The following HELZ variants were observed in gnomAD, a reference collection of about 807,000 sequenced individuals.
HELZ encodes the protein ATP-dependent RNA helicase with zinc finger domain.
In HELZ, 23 loss-of-function variants were observed where a neutral mutation model predicts 218.2. The ratio of observed to expected loss-of-function variants is 0.11; its 90% CI spans 0.08 to 0.15. The LOEUF is 0.15. HELZ is among the 10% of genes least tolerant of loss of function. The pLI is 1.00. For synonymous variants in HELZ, 814 were observed against 829.4 expected (o/e 0.98, Z 0.32); for missense variants, 1,813 against 2,353.7 (o/e 0.77, Z 4.75).
At position 67,188,153 on chromosome 17, in the gene HELZ, G is replaced by T; in HGVS notation, c.1162+166C>A. 1.6e-6 allele frequency: 1 copy of T among 634,504 alleles called. No individual in the cohort carries two copies. 39.3% of individuals were successfully genotyped at this position (634,504 alleles called of 1,614,324 possible). On this transcript the variant is annotated intron_variant, in intron 12 of 32. Coordinates refer to ENST00000358691, the MANE Select transcript of HELZ (RefSeq NM_014877.4). This position sits in a 1 kb window ranked among gnomAD's most constrained non-coding sequence, Gnocchi z 4.1. ...CTCTGTGAAGAAATCAGGGCACAGTGTGAATCATTATAAGCCCATTACACA... is the reference window on the plus strand; with the variant it reads ...CTCTGTGAAGAAATCAGGGCACAGTTTGAATCATTATAAGCCCATTACACA...
intron 6 of HELZ, 129 bp from the exon 7 acceptor site, chr17:67,201,314 C>T (rs749940086): frequency 5.0e-6 from 3 of 595,312 alleles, no homozygotes; most frequent in Non-Finnish European, 6.0e-6. Flanking sequence ...TCCCTCATCA[C>T]TACTACCATT....
At position 67,188,348 on chromosome 17, in the gene HELZ, C is replaced by A; in HGVS notation, c.1133G>T (p.Arg378Ile). ...DFGLEPVLMQ[R>I]VMIDAASTED... ...TGTAGAAGCTGCATCAATCATTACT[C>A]TTTGCATGAGTACTGGTTCCAATCC... Residue 378 changes from arginine to isoleucine, a missense_variant, in exon 12 of 33, where the codon AGA becomes ATA. Physicochemically the swap from Arg to Ile is moderately conservative, Grantham distance 97. Transcript: ENST00000358691. The surrounding 1 kb of genome is among the most constrained non-coding windows in gnomAD (Gnocchi z 4.1). The A allele has an allele frequency of 6.2e-7, 1 of 1,612,706 alleles. No homozygotes were observed. Among genetic ancestry groups the A allele is most frequent in the South Asian group, 1.1e-5 (1 of 91,024 alleles).
rs2039813862 is a variant in HELZ, at chr17:67,188,410, T to C, written c.1071A>G (p.Ile357Met). The C allele has an allele frequency of 6.2e-7, 1 of 1,613,862 alleles. No homozygotes were observed. Among genetic ancestry groups the C allele is most frequent in the Non-Finnish European group, 8.5e-7 (1 of 1,179,868 alleles). ...CTATGGTTTGGCGAAAAGTTCCAAA[T>C]ATTTCTGTGTTAAATGCTATCCCGA... ...YKVGIAFNTE[I>M]FGTFRQTIVF... The change falls in exon 12 of 33, where the codon ATA (isoleucine) becomes ATG (methionine). Residue 357 changes from isoleucine to methionine, a missense_variant. Transcript: ENST00000358691. The surrounding 1 kb of genome is among the most constrained non-coding windows in gnomAD (Gnocchi z 4.1).
At chr17:67,092,481 G>A (rs780762986) in intron 31 of HELZ, among the ~76,000 whole-genome samples, 13 of 152,100 alleles carry the variant, frequency 8.5e-5, no homozygotes, top group Non-Finnish European at 1.9e-4. Context: ...ACTCCTCCCC[G>A]CAACAACAGT....
intron 5 of HELZ, among the ~76,000 whole-genome samples, chr17:67,210,631 T>C (rs576797374): frequency 6.6e-6 from 1 of 152,240 alleles, no homozygotes; most frequent in Non-Finnish European, 1.5e-5. Context: ...ATTTTTTTAG[T>C]GTAAAAAAAT....
At chr17:67,234,314 A>G (rs2041121792) in intron 3 of HELZ, among the ~76,000 whole-genome samples, 1 of 144,894 alleles carries the variant, frequency 6.9e-6, no homozygotes, top group African/African-American at 2.8e-5. Context: ...AAAAAGAAAG[A>G]AAAAAGAAAA....
chr17:67,209,883 C>CA (rs1002649552), intron 5 of HELZ, among the ~76,000 whole-genome samples: 3 of 151,782 alleles, frequency 2.0e-5, no homozygotes, highest in African/African-American at 7.3e-5. Context: ...ATATTTTTTC[C>CA]AAAAAAATTT....
chr17:67,082,871 T>G (rs544586421), intron 32 of HELZ, among the ~76,000 whole-genome samples: 1,618 of 150,076 alleles, frequency 0.011, 24 homozygotes, highest in South Asian at 0.017. Flanking sequence ...TTTTTTTTTT[T>G]TTTGAGATGG....
At position 67,188,208 on chromosome 17, in the gene HELZ, T is replaced by C; in HGVS notation, c.1162+111A>G. 9.6e-7 allele frequency: 1 copy of C among 1,036,512 alleles called. No individual in the cohort carries two copies. Among genetic ancestry groups the C allele is most frequent in the South Asian group, 1.6e-5 (1 of 62,088 alleles). The allele number at this position is 1,036,512 out of a possible 1,614,324, so 64.2% of individuals were successfully genotyped here. ...ATGAGTCAATTAAGTTGGGATTTTT[T>C]TCTTTATTACTATTCTCTTCCTATC... On this transcript the variant is annotated intron_variant, in intron 12 of 32. Coordinates refer to ENST00000358691, the MANE Select transcript of HELZ (RefSeq NM_014877.4). This position sits in a 1 kb window ranked among gnomAD's most constrained non-coding sequence, Gnocchi z 4.1.
At chr17:67,104,860 G>A (rs1952033014) in intron 31 of HELZ, among the ~76,000 whole-genome samples, 1 of 152,160 alleles carries the variant, frequency 6.6e-6, no homozygotes, top group Non-Finnish European at 1.5e-5. Context: ...GGTGGCTTAC[G>A]CCTGTAATCC....
chr17:67,107,739 G>C, intron 30 of HELZ, 54 bp from the exon 31 acceptor site: 1 of 1,492,226 alleles, frequency 6.7e-7, no homozygotes, highest in Non-Finnish European at 9.1e-7. Flanking sequence ...ATCACATTAA[G>C]GAAAGCTTAG....
chr17:67,111,101 T>C (rs1267363187), intron 28 of HELZ, among the ~76,000 whole-genome samples: 1 of 152,202 alleles, frequency 6.6e-6, no homozygotes, highest in Non-Finnish European at 1.5e-5. Context: ...AAGTTTTGTG[T>C]ACGCAGAGCT....
At chr17:67,087,585 T>G (rs1337066577) in intron 31 of HELZ, among the ~76,000 whole-genome samples, 3 of 152,212 alleles carry the variant, frequency 2.0e-5, no homozygotes, top group African/African-American at 7.2e-5. Flanking sequence ...TTATTTTTCT[T>G]TAGACCTGAT....
rs2040069237 is a variant in HELZ at position 67,197,747 on chromosome 17, A to C, written c.430-2277T>G. On this transcript the variant is annotated intron_variant, in intron 7 of 32. Transcript: ENST00000358691. ...TAACTGAAACAATACTATCACTATA[A>C]TTTATATGTGGTTGATTAAATTGTA... Among the ~76,000 whole-genome samples the C allele has an allele frequency of 2.0e-5, 3 of 152,222 alleles. No homozygotes were observed. The South Asian group carries it at 6.2e-4, about 32-fold the overall frequency.
intron 2 of HELZ, among the ~76,000 whole-genome samples, chr17:67,241,161 C>T (rs1263590349): frequency 1.3e-5 from 2 of 152,200 alleles, no homozygotes; most frequent in Non-Finnish European, 2.9e-5. Flanking sequence ...GAAAACATTT[C>T]AAAACATTAC....
intron 24 of HELZ, 78 bp from the exon 25 acceptor site, chr17:67,124,092 T>C: frequency 1.1e-6 from 1 of 885,458 alleles, no homozygotes; most frequent in Non-Finnish European, 1.9e-6. Flanking sequence ...CCTAATCATA[T>C]GTAAATTAAT....
At chr17:67,117,233 T>G (rs2037455366) in intron 27 of HELZ, among the ~76,000 whole-genome samples, 1 of 152,234 alleles carries the variant, frequency 6.6e-6, no homozygotes, top group South Asian at 2.1e-4. Flanking sequence ...CATTCTGGGC[T>G]GTGAAACAAA....
At chr17:67,235,046 C>T (rs1485474468) in intron 3 of HELZ, among the ~76,000 whole-genome samples, 1 of 152,206 alleles carries the variant, frequency 6.6e-6, no homozygotes, top group Non-Finnish European at 1.5e-5. Context: ...GCCCCATTCT[C>T]TCTACAGATA....
chr17:67,143,161 G>A (rs1172424390), intron 21 of HELZ, among the ~76,000 whole-genome samples: 1 of 151,984 alleles, frequency 6.6e-6, no homozygotes, highest in African/African-American at 2.4e-5. Context: ...AAACATATGA[G>A]GCAAAAACCA....
Sources: gnomAD v4.1 joint callset for allele counts (sites outside exome capture counted in the v4.1 genomes callset) on GRCh38, gnomAD v4.1.1 for gene constraint, Gnocchi (gnomAD v3.1) non-coding constraint, MANE v1.5 for transcripts, NCBI Gene and HGNC (gene_info 2026-07-23, HGNC 2026-07-21) for gene names.